ZMYND8: variants seen among roughly 807,000 people sequenced by gnomAD.
ZMYND8 encodes the protein MYND-type zinc finger-containing chromatin reader ZMYND8.
ZMYND8 carries 37 observed loss-of-function variants against 140.8 expected under a neutral mutation model. The ratio of observed to expected loss-of-function variants is 0.26; its 90% CI spans 0.20 to 0.35. The LOEUF is 0.35. Among genes scored for constraint, ZMYND8 ranks in the 10% least tolerant of loss-of-function variants. The pLI, the probability that ZMYND8 is intolerant of heterozygous loss-of-function variation, is 1.00. For missense variants in ZMYND8, 1,068 were observed against 1,570.0 expected, an observed-to-expected ratio of 0.68 and a Z score of 5.40; for synonymous variants, 592 against 597.1, an observed-to-expected ratio of 0.99 and a Z score of 0.12.
At chr20:47,352,704 G>C (rs1363383874) in intron 1 of ZMYND8, 1 of 265,054 alleles carries the variant, frequency 3.8e-6, no homozygotes. Context: ...CCAAGGCCAT[G>C]CCAGGGCAAG....
At chr20:47,336,589 C>T (rs2081401582) in intron 2 of ZMYND8, among the ~76,000 whole-genome samples, 2 of 152,196 alleles carry the variant, frequency 1.3e-5, no homozygotes, top group South Asian at 4.1e-4. Flanking sequence ...GCCTTCAAGG[C>T]GCTTGTTCTG....
At chr20:47,249,770 G>A (rs2074019083) in intron 12 of ZMYND8, among the ~76,000 whole-genome samples, 1 of 152,196 alleles carries the variant, frequency 6.6e-6, no homozygotes, top group Non-Finnish European at 1.5e-5. Context: ...AAGGTTATGG[G>A]CAGATATTCA....
chr20:47,274,399 G>C (rs1257143072), intron 11 of ZMYND8, among the ~76,000 whole-genome samples: 1 of 152,200 alleles, frequency 6.6e-6, no homozygotes, highest in Non-Finnish European at 1.5e-5. Context: ...CCATGGCAAT[G>C]AAAGTTCAGG....
chr20:47,303,864 T>C (rs1338218818), intron 3 of ZMYND8, among the ~76,000 whole-genome samples: 1 of 152,178 alleles, frequency 6.6e-6, no homozygotes, highest in Admixed American at 6.5e-5. Flanking sequence ...TGGCTGCCCC[T>C]AGGAGGATCC....
chr20:47,329,605 T>C (rs911059555), intron 2 of ZMYND8, among the ~76,000 whole-genome samples: 3 of 152,066 alleles, frequency 2.0e-5, no homozygotes, highest in Non-Finnish European at 4.4e-5. Flanking sequence ...GGTTTCTCCA[T>C]GTTGGTCAGG....
intron 18 of ZMYND8, 82 bp downstream of exon 18, chr20:47,227,121 C>T (rs1294114168): frequency 1.9e-5 from 26 of 1,405,348 alleles, no homozygotes; most frequent in Non-Finnish European, 2.4e-5. Flanking sequence ...TAATTGCACT[C>T]ACATCTCGGC....
Position 47,246,275 on chromosome 20 carries a change from G to C in ZMYND8, c.2017C>G (p.Pro673Ala). Residue 673 changes from proline to alanine, a missense_variant, in exon 14 of 23, where the codon CCA (proline) becomes GCA (alanine). Coordinates refer to ENST00000471951, the MANE Select transcript of ZMYND8 (RefSeq NM_001281775.3). The part of the protein sequence containing the change: ...EIKEELKSTS[P>A]ASEKADPGAV... The stretch of plus-strand genomic sequence containing the variant: ...CCAGGGTCTGCCTTCTCGCTGGCTG[G>C]TGACGTGCTTTTCAGCTCCTCTTTA... 6.2e-7 allele frequency: 1 copy of C among 1,614,150 alleles called. No individual in the cohort carries two copies. The highest frequency in any genetic ancestry group is 8.5e-7 in the Non-Finnish European group (1 of 1,180,038).
At chr20:47,262,169 G>A (rs779406952) in intron 12 of ZMYND8, 119 bp downstream of exon 12, 7 of 1,409,016 alleles carry the variant, frequency 5.0e-6, no homozygotes, top group Non-Finnish European at 6.9e-6. Flanking sequence ...TGAAACTTTT[G>A]CATTTTTTGC....
At chr20:47,330,385 G>C (rs1370134834) in intron 2 of ZMYND8, among the ~76,000 whole-genome samples, 2 of 136,604 alleles carry the variant, frequency 1.5e-5, no homozygotes, top group Non-Finnish European at 3.1e-5. Context: ...TTTTTTTGTA[G>C]GAACGGGTGG....
At position 47,209,688 on chromosome 20, in the gene ZMYND8, G is replaced by A. The variant is rs1185667477; in HGVS notation, c.*1073C>T. The A allele has an allele frequency of 6.6e-6, 1 of 152,570 alleles. No individual in the cohort carries two copies. The highest frequency in any genetic ancestry group is 1.5e-5 in the Non-Finnish European group (1 of 68,030). 9.5% of individuals were successfully genotyped at this position (152,570 alleles called of 1,614,324 possible). On this transcript the variant is annotated 3_prime_UTR_variant, in exon 23 of 23. Coordinates refer to ENST00000471951, the MANE Select transcript of ZMYND8 (RefSeq NM_001281775.3). ...CATCACCTTTTGCTTTTTCATCAAT[G>A]CTTTTTGTTTTACACAACATACAAA...
intron 2 of ZMYND8, among the ~76,000 whole-genome samples, chr20:47,346,741 G>A (rs1170287410): frequency 6.6e-6 from 1 of 152,142 alleles, no homozygotes; most frequent in Non-Finnish European, 1.5e-5. Flanking sequence ...TAAGTAGCTA[G>A]GATTACAGGC....
chr20:47,258,332 C>T (rs1056780566), intron 12 of ZMYND8, among the ~76,000 whole-genome samples: 1 of 152,248 alleles, frequency 6.6e-6, no homozygotes, highest in Admixed American at 6.5e-5. Context: ...TAACTTGCTT[C>T]TCTGTGCCCC....
chr20:47,225,452 C>T (rs547742652), intron 18 of ZMYND8, among the ~76,000 whole-genome samples: 2 of 147,882 alleles, frequency 1.4e-5, no homozygotes, highest in East Asian at 2.0e-4. Context: ...ACTTGGGAGG[C>T]CGAGGCAGGA....
At chr20:47,268,783 G>T (rs1424103431) in intron 11 of ZMYND8, among the ~76,000 whole-genome samples, 2 of 147,714 alleles carry the variant, frequency 1.4e-5, no homozygotes, top group East Asian at 4.3e-4. Context: ...CAAAAAAAAA[G>T]AAAAAGAAAC....
intron 11 of ZMYND8, among the ~76,000 whole-genome samples, chr20:47,272,533 C>T (rs1396826813): frequency 1.3e-5 from 2 of 152,082 alleles, no homozygotes; most frequent in South Asian, 2.1e-4. Flanking sequence ...TGAAGGTAAC[C>T]ATTCTGGCCA....
intron 16 of ZMYND8, among the ~76,000 whole-genome samples, chr20:47,235,232 C>T (rs550971206): frequency 6.0e-4 from 91 of 152,306 alleles, no homozygotes; most frequent in African/African-American, 1.9e-3. Flanking sequence ...AGGCATTGTT[C>T]TAGGCCTTGG....
intron 14 of ZMYND8, among the ~76,000 whole-genome samples, chr20:47,245,006 G>A (rs1360833003): frequency 2.6e-5 from 4 of 152,162 alleles, no homozygotes; most frequent in South Asian, 4.2e-4. Context: ...GCAGTCAGCC[G>A]AGATTGTACC....
At chr20:47,355,333 G>A in intron 1 of ZMYND8, 1 of 514,068 alleles carries the variant, frequency 1.9e-6, no homozygotes, top group Non-Finnish European at 2.5e-6. Context: ...CCCTTATTTT[G>A]TTCCTGCTAA....
chr20:47,280,952 C>T (rs979521047), intron 10 of ZMYND8, among the ~76,000 whole-genome samples: 2 of 152,156 alleles, frequency 1.3e-5, no homozygotes, highest in African/African-American at 4.8e-5. Context: ...CAGGCCCCCA[C>T]CACTACCTCC....
Sources: allele counts gnomAD v4.1 joint callset (sites outside exome capture counted in the v4.1 genomes callset), GRCh38; gene constraint gnomAD v4.1.1; transcripts MANE v1.5; gene names NCBI Gene and HGNC (gene_info 2026-07-23, HGNC 2026-07-21).